The following GDPD4 variants were observed in gnomAD, a reference collection of about 807,000 sequenced individuals.
GDPD4 encodes glycerophosphodiester phosphodiesterase domain containing 4, also known as glycerophosphodiester phosphodiesterase 6.
Under a neutral mutation model 67.8 loss-of-function variants are expected in GDPD4, and 60 were observed. The observed-to-expected ratio is 0.88, with a 90% confidence interval of 0.72 to 1.10. The LOEUF (loss-of-function observed/expected upper bound fraction) is 1.10. Among genes scored for constraint, GDPD4 ranks in the 50% least tolerant of loss-of-function variants. GDPD4 has a pLI of 0.00. For synonymous variants in GDPD4, 212 were observed against 210.9 expected, an observed-to-expected ratio of 1.00 and a Z score of -0.04; for missense variants, 623 against 613.9, an observed-to-expected ratio of 1.01 and a Z score of -0.16.
rs1450237225 is a variant in GDPD4 at position 77,268,518 on chromosome 11, T to C, written c.646A>G (p.Met216Val). The C allele has an allele frequency of 1.2e-6, 2 of 1,612,728 alleles. No individual in the cohort carries two copies. The highest frequency in any genetic ancestry group is 1.7e-6 in the Non-Finnish European group (2 of 1,179,022). ...APMLGPENTM[M>V]SFEKAVEHGA... ...TGTTCAACAGCTTTCTCAAAGGACA[T>C]CATGGTATTCTCAGGCCCCAACTGT... The change falls in exon 10 of 17, where the codon ATG (methionine) becomes GTG (valine). Residue 216 changes from methionine to valine, a missense_variant. By Grantham distance (21) the Met-to-Val change is conservative. Coordinates refer to ENST00000315938, the MANE Select transcript of GDPD4 (RefSeq NM_182833.3).
intron 14 of GDPD4, among the ~76,000 whole-genome samples, chr11:77,230,843 G>T (rs901272954): frequency 6.6e-6 from 1 of 152,108 alleles, no homozygotes; most frequent in Non-Finnish European, 1.5e-5. Flanking sequence ...ATTTGGCCAG[G>T]TGATTTTCCT....
chr11:77,299,817 A>C (rs1248012196), intron 1 of GDPD4, among the ~76,000 whole-genome samples: 1 of 152,240 alleles, frequency 6.6e-6, no homozygotes, highest in Non-Finnish European at 1.5e-5. Context: ...AAAGTTACAC[A>C]GAAAAAGGTG....
chr11:77,291,243 T>C (rs1197758933), intron 1 of GDPD4, among the ~76,000 whole-genome samples: 2 of 152,190 alleles, frequency 1.3e-5, no homozygotes, highest in African/African-American at 2.4e-5. Context: ...CTGGTGGTCA[T>C]TATGTTCAGT....
chr11:77,297,060 C>CA (rs538534637), intron 1 of GDPD4, among the ~76,000 whole-genome samples: 48,785 of 116,322 alleles, frequency 0.42, 8,423 homozygotes, highest in Admixed American at 0.51. Flanking sequence ...TCAAAAAAAA[C>CA]AAAAAAAAAA....
intron 4 of GDPD4, among the ~76,000 whole-genome samples, chr11:77,278,255 C>A (rs1959585155): frequency 6.6e-6 from 1 of 152,126 alleles, no homozygotes; most frequent in South Asian, 2.1e-4. Flanking sequence ...AGTGCCTGGC[C>A]CCCCATTATT....
At chr11:77,285,759 G>A (rs1959968399) in intron 2 of GDPD4, among the ~76,000 whole-genome samples, 1 of 152,126 alleles carries the variant, frequency 6.6e-6, no homozygotes, top group Admixed American at 6.6e-5. Flanking sequence ...CATTTTTGCA[G>A]AAGAAAGCTC....
intron 11 of GDPD4, among the ~76,000 whole-genome samples, chr11:77,245,843 C>T (rs1050978422): frequency 6.6e-6 from 1 of 152,146 alleles, no homozygotes; most frequent in Non-Finnish European, 1.5e-5. Context: ...TCCCGCTATT[C>T]TAGTTTTGTG....
At chr11:77,268,323 T>C (rs1959188114) in intron 10 of GDPD4, 134 bp downstream of exon 10, 2 of 668,028 alleles carry the variant, frequency 3.0e-6, no homozygotes, top group African/African-American at 3.6e-5. Flanking sequence ...GTGTAGTACA[T>C]GCATATATGC....
rs1182582552 is a variant in GDPD4 at position 77,217,271 on chromosome 11, A to G, written c.*6T>C. Reference sequence around the variant, plus strand: ...AGGTTTCATGGCTATGTGCAAATCTATCTATCTATCTATCTTCCTCATTCT... The same window carrying G: ...AGGTTTCATGGCTATGTGCAAATCTGTCTATCTATCTATCTTCCTCATTCT... On this transcript the variant is annotated 3_prime_UTR_variant, in exon 17 of 17. Transcript: ENST00000315938. The G allele has an allele frequency of 1.2e-6, 2 of 1,600,698 alleles. No individual in the cohort carries two copies. Among genetic ancestry groups the G allele is most frequent in the Non-Finnish European group, 1.7e-6 (2 of 1,167,928 alleles).
At chr11:77,270,041 T>C in intron 7 of GDPD4, 81 bp from the exon 8 acceptor site, 1 of 679,408 alleles carries the variant, frequency 1.5e-6, no homozygotes, top group East Asian at 2.7e-5. Context: ...TTCTAAAATT[T>C]ACCCTCCACA....
At chr11:77,244,889 A>G (rs554573529) in intron 12 of GDPD4, among the ~76,000 whole-genome samples, 21 of 152,352 alleles carry the variant, frequency 1.4e-4, no homozygotes, top group Non-Finnish European at 2.2e-4. Context: ...CTCTGCTCAA[A>G]TAAGAACCAG....
chr11:77,280,598 AT>A (rs1223813965), intron 3 of GDPD4, among the ~76,000 whole-genome samples: 3 of 152,148 alleles, frequency 2.0e-5, no homozygotes, highest in Admixed American at 2.0e-4. Flanking sequence ...TCACATTGAT[AT>A]TTTATTTTAA....
intron 13 of GDPD4, among the ~76,000 whole-genome samples, chr11:77,236,594 A>T (rs931692683): frequency 6.6e-6 from 1 of 152,228 alleles, no homozygotes; most frequent in African/African-American, 2.4e-5. Context: ...ATATTAATAC[A>T]AGAAAAAGTA....
chr11:77,284,614 G>A (rs1959912016), intron 3 of GDPD4, among the ~76,000 whole-genome samples: 1 of 152,138 alleles, frequency 6.6e-6, no homozygotes. Context: ...CCATGAAAAG[G>A]GTACTGGAAA....
At chr11:77,284,210 C>T (rs1959887390) in intron 3 of GDPD4, among the ~76,000 whole-genome samples, 3 of 151,972 alleles carry the variant, frequency 2.0e-5, no homozygotes, top group Admixed American at 2.0e-4. Context: ...ATTATAGCAT[C>T]TGTCATGAAA....
At chr11:77,235,018 T>TTTTTTG (rs1555115896) in intron 13 of GDPD4, among the ~76,000 whole-genome samples, 1 of 129,156 alleles carries the variant, frequency 7.7e-6, no homozygotes, top group South Asian at 2.6e-4. Flanking sequence ...TGTTTTTTTT[T>TTTTTTG]TTTTTTTTTT....
intron 1 of GDPD4, among the ~76,000 whole-genome samples, chr11:77,293,966 GACA>G (rs1445971510): frequency 8.5e-5 from 13 of 152,116 alleles, no homozygotes; most frequent in African/African-American, 1.2e-4. Flanking sequence ...TCTATTTGCA[GACA>G]ACAATATTAT....
intron 11 of GDPD4, 61 bp downstream of exon 11, chr11:77,258,324 GC>G: frequency 6.8e-7 from 1 of 1,474,538 alleles, no homozygotes; most frequent in South Asian, 1.1e-5. Flanking sequence ...ATTTTCAGGA[GC>G]AGCACATGAT....
At chr11:77,267,212 G>A (rs780360576) in intron 10 of GDPD4, among the ~76,000 whole-genome samples, 186 of 152,172 alleles carry the variant, frequency 1.2e-3, no homozygotes, top group Non-Finnish European at 1.1e-3. Context: ...GCTTGCAGCC[G>A]AAGAGTAACA....
Sources: gnomAD v4.1 joint callset for allele counts (sites outside exome capture counted in the v4.1 genomes callset) on GRCh38, gnomAD v4.1.1 for gene constraint, MANE v1.5 for transcripts, NCBI Gene and HGNC (gene_info 2026-07-23, HGNC 2026-07-21) for gene names.